TRIOBP: variants seen among roughly 807,000 people sequenced by gnomAD.
TRIOBP encodes the protein TRIO and F-actin-binding protein.
In TRIOBP, 169 loss-of-function variants were observed where a neutral mutation model predicts 238.8. The ratio of observed to expected loss-of-function variants is 0.71; its 90% confidence interval spans 0.62 to 0.80. TRIOBP has a LOEUF of 0.80. Among genes scored for constraint, TRIOBP ranks in the 30% least tolerant of loss-of-function variants. The pLI is 0.00. For missense variants in TRIOBP, 2,838 were observed against 3,122.6 expected, an observed-to-expected ratio of 0.91 and a Z score of 2.17; for synonymous variants, 1,150 against 1,274.4, an observed-to-expected ratio of 0.90 and a Z score of 2.08.
intron 3 of TRIOBP, among the ~76,000 whole-genome samples, chr22:37,703,128 T>G (rs1216186781): frequency 6.6e-6 from 1 of 152,050 alleles, no homozygotes; most frequent in Non-Finnish European, 1.5e-5. Context: ...CCTGAGTACC[T>G]GGGATTACAG....
In TRIOBP at chr22:37,733,338, G is replaced by A. The variant is rs1255278785; in HGVS notation, c.3988G>A (p.Gly1330Arg). The A allele has an allele frequency of 1.3e-6, 2 of 1,551,344 alleles. No individual in the cohort carries two copies. The highest frequency in any genetic ancestry group is 1.2e-5 in the South Asian group (1 of 84,138). ...GGGGGCCTTCCAGGCCCAGGACGAG[G>A]GACGGTCACAGCAGCCCAGCCAAGG... ...AAGAFQAQDEGRSQQPSQGQS... is the reference protein window; with the variant it reads ...AAGAFQAQDERRSQQPSQGQS... The change falls in exon 8 of 24, where the codon GGA (glycine) becomes AGA (arginine). Residue 1330 changes from glycine to arginine, a missense_variant. Transcript: ENST00000644935.
At chr22:37,770,106 G>A (rs1326800852) in intron 21 of TRIOBP, among the ~76,000 whole-genome samples, 2 of 147,442 alleles carry the variant, frequency 1.4e-5, no homozygotes, top group African/African-American at 5.0e-5. Flanking sequence ...GTGCAGTGGC[G>A]CGATCTCGGC....
intron 15 of TRIOBP, among the ~76,000 whole-genome samples, chr22:37,755,889 G>T (rs2145867713): frequency 6.6e-6 from 1 of 152,252 alleles, no homozygotes; most frequent in Non-Finnish European, 1.5e-5. Context: ...TGGAGGAGAT[G>T]CCTGTGAGTC....
intron 17 of TRIOBP, among the ~76,000 whole-genome samples, chr22:37,765,142 G>A (rs1459703065): frequency 4.6e-5 from 7 of 152,174 alleles, no homozygotes; most frequent in Non-Finnish European, 8.8e-5. Context: ...TTAGCTGGGC[G>A]TGGTGGTGGG....
chr22:37,716,107 TTTAA>T (rs1923503863), intron 6 of TRIOBP, among the ~76,000 whole-genome samples, 173 bp downstream of exon 6: 1 of 152,194 alleles, frequency 6.6e-6, no homozygotes, highest in African/African-American at 2.4e-5. Context: ...TGCTACCCAC[TTTAA>T]TTATTATTAT....
intron 11 of TRIOBP, among the ~76,000 whole-genome samples, chr22:37,746,755 C>T (rs1159268615): frequency 1.3e-5 from 2 of 152,250 alleles, no homozygotes; most frequent in African/African-American, 2.4e-5. Flanking sequence ...TCCCCTCCAG[C>T]CCCCTAGACG....
chr22:37,700,729 T>C (rs950475872), intron 2 of TRIOBP, among the ~76,000 whole-genome samples: 2 of 152,188 alleles, frequency 1.3e-5, no homozygotes, highest in African/African-American at 4.8e-5. Context: ...TCTCACTCTG[T>C]CGCCCAGGCT....
chr22:37,724,965 C>T lies in TRIOBP; in HGVS notation c.2409C>T (p.Ala803=), dbSNP rs780520350. 2 of 1,613,990 alleles carry T rather than the reference C, an allele frequency of 1.2e-6. No homozygotes were observed. The highest frequency in any genetic ancestry group is 1.7e-6 in the Non-Finnish European group (2 of 1,180,024). ...GTGCCCAGCGGGACAATCTCAGAGCCTCCTCTCCCATCAGAGCCACCCAAC... is the reference window on the plus strand; with the variant it reads ...GTGCCCAGCGGGACAATCTCAGAGCTTCCTCTCCCATCAGAGCCACCCAAC... ...TSCAQRDNLR[A]SSPIRATQQD... The change falls in exon 7 of 24, where the codon GCC becomes GCT. Residue 803 remains alanine, a synonymous_variant. Transcript: ENST00000644935.
chr22:37,755,616 C>G lies in TRIOBP; in HGVS notation c.5644C>G (p.Leu1882Val). 1 of 1,614,090 alleles carries G rather than the reference C, an allele frequency of 6.2e-7. No individual in the cohort carries two copies. The highest frequency in any genetic ancestry group is 8.5e-7 in the Non-Finnish European group (1 of 1,180,024). ...SGIRRNWIEALRKTVRPTSAP... is the reference protein window; with the variant it reads ...SGIRRNWIEAVRKTVRPTSAP... ...CATCCGGCGGAACTGGATCGAGGCT[C>G]TGAGAAAGACCGTACGTCCAACTTC... Residue 1882 changes from leucine to valine, a missense_variant, in exon 15 of 24, where the codon CTG (leucine) becomes GTG (valine). Coordinates refer to ENST00000644935, the MANE Select transcript of TRIOBP (RefSeq NM_001039141.3).
rs187490957 is a variant in TRIOBP, at chr22:37,762,077, T to G, written c.6324+2813T>G. ...TCATCTTCCTCCATTTTATTTTATT[T>G]TAATTTTTTTAGAGATGAGGTCTTT... On this transcript the variant is annotated intron_variant, in intron 17 of 23. Transcript: ENST00000644935. Among the ~76,000 whole-genome samples the G allele has an allele frequency of 4.4e-3, 671 of 152,302 alleles. 6 individuals are homozygous for G. The highest frequency in any genetic ancestry group is 7.7e-3 in the South Asian group (37 of 4,832).
rs1420372068 is a variant in TRIOBP, at chr22:37,724,465, T to G, written c.1909T>G (p.Ser637Ala). The change falls in exon 7 of 24, where the codon TCC (serine) becomes GCC (alanine). Residue 637 changes from serine to alanine, a missense_variant. Transcript: ENST00000644935. ...SCAQRDNPRA[S>A]SPNRTTQQDS... ...TGCCCAGCGGGACAATCCCAGAGCC[T>G]CCTCTCCCAACAGAACCACCCAACA... 2 of 1,609,332 alleles carry G rather than the reference T, an allele frequency of 1.2e-6. No homozygotes were observed. The highest frequency in any genetic ancestry group is 1.7e-6 in the Non-Finnish European group (2 of 1,178,790).
chr22:37,733,947 G>A (rs1205409171), intron 8 of TRIOBP, among the ~76,000 whole-genome samples: 3 of 152,210 alleles, frequency 2.0e-5, no homozygotes, highest in East Asian at 1.9e-4. Flanking sequence ...GATTACAGGC[G>A]TGAACCACGG....
At chr22:37,771,558 C>A in intron 21 of TRIOBP, 92 bp from the exon 22 acceptor site, 1 of 1,127,848 alleles carries the variant, frequency 8.9e-7, no homozygotes, top group Non-Finnish European at 1.3e-6. Context: ...ATTCTAGGGG[C>A]CTGAGGCAGA....
chr22:37,746,215 G>GGAA (rs762184877), intron 11 of TRIOBP: 667 of 969,288 alleles, frequency 6.9e-4, no homozygotes, highest in Non-Finnish European at 7.8e-4. Flanking sequence ...CAGGAAGTTT[G>GGAA]AAAAAAAAAA....
intron 3 of TRIOBP, among the ~76,000 whole-genome samples, chr22:37,705,481 A>G (rs879683856): frequency 3.3e-5 from 5 of 151,570 alleles, no homozygotes; most frequent in Non-Finnish European, 5.9e-5. Context: ...GAGCTATAGG[A>G]CAAGGATGGA....
chr22:37,740,467 G>T (rs527536618), intron 10 of TRIOBP, among the ~76,000 whole-genome samples: 1 of 152,316 alleles, frequency 6.6e-6, no homozygotes, highest in South Asian at 2.1e-4. Flanking sequence ...TGACTCCTCG[G>T]TTCCAGATAG....
chr22:37,762,869 C>G (rs4820306), intron 17 of TRIOBP, among the ~76,000 whole-genome samples: 147,490 of 152,216 alleles, frequency 0.97, 71,494 homozygotes, highest in East Asian at 1. Context: ...TGCTGCTGCA[C>G]GACAGCTGTC....
At chr22:37,754,104 T>G (rs1428745398) in intron 12 of TRIOBP, among the ~76,000 whole-genome samples, 4 of 152,106 alleles carry the variant, frequency 2.6e-5, no homozygotes, top group African/African-American at 9.7e-5. Context: ...GTAGCCAGCC[T>G]ACAGTTCAAG....
rs757805002 is a variant in TRIOBP, at chr22:37,740,936, C to T, written c.5226C>T (p.Leu1742=). 1.3e-6 allele frequency: 2 copies of T among 1,570,842 alleles called. No individual in the cohort carries two copies. The highest frequency in any genetic ancestry group is 2.3e-5 in the East Asian group (1 of 43,222). Reference sequence around the variant, plus strand: ...CAGAGGGCAAGGCTGGGAGCCCGCTCAAGGGCCGACTGGTGACCTCATGGC... The same window carrying T: ...CAGAGGGCAAGGCTGGGAGCCCGCTTAAGGGCCGACTGGTGACCTCATGGC... ...RPAEGKAGSP[L]KGRLVTSWRM... is the part of the protein sequence containing the mutation. The change falls in exon 11 of 24, where the codon CTC becomes CTT. Residue 1742 remains leucine (L), a synonymous_variant. Transcript: ENST00000644935.
Sources: allele counts gnomAD v4.1 joint callset (sites outside exome capture counted in the v4.1 genomes callset), GRCh38; gene constraint gnomAD v4.1.1; transcripts MANE v1.5; gene names NCBI Gene and HGNC (gene_info 2026-07-23, HGNC 2026-07-21).